Variants in TRABD2B observed in about 807,000 individuals in gnomAD.
TRABD2B encodes metalloprotease TIKI2.
TRABD2B carries 14 observed loss-of-function variants against 40.1 expected under a neutral mutation model. That is an observed-to-expected ratio of 0.35 (90% CI 0.23 to 0.55). The LOEUF (loss-of-function observed/expected upper bound fraction) is 0.55, where lower values mean the gene tolerates loss of function less well. TRABD2B is among the 20% of genes least tolerant of loss of function. The probability of loss-of-function intolerance (pLI) is 0.90; values close to 1 mark genes in which losing one functional copy is unlikely to be tolerated. For synonymous variants in TRABD2B, 263 were observed against 277.0 expected (o/e 0.95, Z 0.50); for missense variants, 541 against 648.6 (o/e 0.83, Z 1.80).
At chr1:47,919,254 A>G (rs1644869204) in intron 2 of TRABD2B, among the ~76,000 whole-genome samples, 1 of 152,272 alleles carries the variant, frequency 6.6e-6, no homozygotes, top group Non-Finnish European at 1.5e-5. Context: ...GGAAAATAAA[A>G]GAGAGTGAAT....
chr1:47,867,436 T>G (rs1644075489), intron 2 of TRABD2B, among the ~76,000 whole-genome samples: 1 of 152,174 alleles, frequency 6.6e-6, no homozygotes, highest in Non-Finnish European at 1.5e-5. Context: ...CTAGGAGGAT[T>G]AAATACGATA....
chr1:47,878,505 G>A (rs1489219534), intron 2 of TRABD2B, among the ~76,000 whole-genome samples: 1 of 152,170 alleles, frequency 6.6e-6, no homozygotes, highest in Non-Finnish European at 1.5e-5. Context: ...ACACCATAGC[G>A]AGTGAAAAAG....
chr1:47,806,807 C>T (rs1569996757), intron 2 of TRABD2B, among the ~76,000 whole-genome samples: 1 of 152,202 alleles, frequency 6.6e-6, no homozygotes. Flanking sequence ...GACTTGAAGG[C>T]CTATGTTCAC....
At chr1:47,961,243 TA>T (rs1255025567) in intron 2 of TRABD2B, among the ~76,000 whole-genome samples, 1 of 152,212 alleles carries the variant, frequency 6.6e-6, no homozygotes, top group Non-Finnish European at 1.5e-5. Flanking sequence ...ATGTTAGACC[TA>T]AAACCATAAA....
chr1:47,990,799 A>C (rs1184918404), intron 2 of TRABD2B, among the ~76,000 whole-genome samples: 1 of 63,078 alleles, frequency 1.6e-5, no homozygotes, highest in South Asian at 6.3e-4. Context: ...ATATATATAT[A>C]TATATATATA....
intron 6 of TRABD2B, among the ~76,000 whole-genome samples, chr1:47,772,643 A>G (rs1456514576): frequency 6.6e-6 from 1 of 152,114 alleles, no homozygotes; most frequent in Non-Finnish European, 1.5e-5. Flanking sequence ...AGCTTCCCCA[A>G]AAATGGTTTT....
At position 47,891,051 on chromosome 1, in the gene TRABD2B, C is replaced by T. The variant is rs115818484; in HGVS notation, c.667-89432G>A. On this transcript the variant is annotated intron_variant, in intron 2 of 6. Coordinates refer to ENST00000606738, the MANE Select transcript of TRABD2B (RefSeq NM_001194986.2). ...GGGAACAGTGGCTGAGTTCCAATCC[C>T]GGCTCACTATAACCTTGGACAAGTT... Among the ~76,000 whole-genome samples, 580 of 152,276 alleles carry T rather than the reference C, an allele frequency of 3.8e-3. 6 individuals carry two copies. Among genetic ancestry groups the T allele is most frequent in the African/African-American group, 0.013 (561 of 41,566 alleles).
chr1:47,919,779 G>A (rs539718624), intron 2 of TRABD2B, among the ~76,000 whole-genome samples: 1 of 152,338 alleles, frequency 6.6e-6, no homozygotes, highest in East Asian at 1.9e-4. Flanking sequence ...TTCCAACAAG[G>A]CATGCTAAGT....
chr1:47,936,562 T>A (rs1340757883), intron 2 of TRABD2B, among the ~76,000 whole-genome samples: 3 of 152,148 alleles, frequency 2.0e-5, no homozygotes, highest in African/African-American at 7.2e-5. Context: ...AGGAGTGCTG[T>A]ACAGACAAAG....
intron 2 of TRABD2B, among the ~76,000 whole-genome samples, chr1:47,858,172 GCAACTA>G (rs1643914850): frequency 6.6e-6 from 1 of 151,500 alleles, no homozygotes; most frequent in East Asian, 1.9e-4. Context: ...CCGACAAGGG[GCAACTA>G]CAATAGTCAT....
chr1:47,767,459 T>C (rs1644320353), intron 6 of TRABD2B, among the ~76,000 whole-genome samples: 1 of 152,332 alleles, frequency 6.6e-6, no homozygotes, highest in South Asian at 2.1e-4. Context: ...GCCCTGCCCC[T>C]GCACCAGGCT....
intron 2 of TRABD2B, among the ~76,000 whole-genome samples, chr1:47,988,932 G>A (rs892267480): frequency 6.6e-6 from 1 of 152,222 alleles, no homozygotes; most frequent in Non-Finnish European, 1.5e-5. Flanking sequence ...AAATTCGTAT[G>A]TTGAAACCTA....
At chr1:47,968,141 C>T (rs781488175) in intron 2 of TRABD2B, among the ~76,000 whole-genome samples, 2 of 152,238 alleles carry the variant, frequency 1.3e-5, no homozygotes, top group Non-Finnish European at 2.9e-5. Flanking sequence ...ACTTACATTA[C>T]CTGCTTTCAC....
chr1:47,927,128 TAAG>T (rs986442983), intron 2 of TRABD2B, among the ~76,000 whole-genome samples: 1 of 152,102 alleles, frequency 6.6e-6, no homozygotes, highest in Admixed American at 6.5e-5. Context: ...TGGCACAAGA[TAAG>T]AGATCATTCT....
chr1:47,942,660 A>G (rs1223835623), intron 2 of TRABD2B, among the ~76,000 whole-genome samples: 1 of 152,236 alleles, frequency 6.6e-6, no homozygotes, highest in Non-Finnish European at 1.5e-5. Context: ...GTTAATGACA[A>G]TAATTTTGCA....
chr1:47,951,463 G>A (rs1012713593), intron 2 of TRABD2B, among the ~76,000 whole-genome samples: 10 of 152,150 alleles, frequency 6.6e-5, no homozygotes, highest in African/African-American at 1.7e-4. Context: ...ACTGGATGCC[G>A]TCCTCCCAGG....
intron 2 of TRABD2B, among the ~76,000 whole-genome samples, chr1:47,891,199 A>G (rs1644440419): frequency 6.6e-6 from 1 of 152,378 alleles, no homozygotes; most frequent in East Asian, 1.9e-4. Flanking sequence ...AAATGTGCCA[A>G]GGATCATACT....
intron 2 of TRABD2B, among the ~76,000 whole-genome samples, chr1:47,938,710 T>C (rs1312612340): frequency 6.6e-6 from 1 of 152,136 alleles, no homozygotes; most frequent in African/African-American, 2.4e-5. Context: ...AACGATGGTG[T>C]TGGACTGGAT....
At chr1:47,786,848 C>G (rs987105744) in intron 4 of TRABD2B, among the ~76,000 whole-genome samples, 1 of 152,104 alleles carries the variant, frequency 6.6e-6, no homozygotes, top group African/African-American at 2.4e-5. Context: ...TATAGGCATG[C>G]ATCACCATGA....
Sources: gnomAD v4.1 joint callset for allele counts (sites outside exome capture counted in the v4.1 genomes callset) on GRCh38, gnomAD v4.1.1 for gene constraint, MANE v1.5 for transcripts, NCBI Gene and HGNC (gene_info 2026-07-23, HGNC 2026-07-21) for gene names.